Variants in TMEM117 observed in about 807,000 individuals in gnomAD.
TMEM117 encodes the protein transmembrane protein 117.
Under a neutral mutation model 52.4 loss-of-function variants are expected in TMEM117, and 27 were observed. The ratio of observed to expected loss-of-function variants is 0.51; its 90% CI spans 0.38 to 0.71. The LOEUF (loss-of-function observed/expected upper bound fraction) is 0.71. Ranked by LOEUF, TMEM117 falls within the 30% of genes least tolerant of loss-of-function variation. The pLI, the probability that TMEM117 is intolerant of heterozygous loss-of-function variation, is 0.00. For synonymous variants in TMEM117, 215 were observed against 206.3 expected (o/e 1.04, Z -0.36); for missense variants, 556 against 630.5 (o/e 0.88, Z 1.26).
At chr12:43,839,803 A>G (rs543898875) in intron 1 of TMEM117, among the ~76,000 whole-genome samples, 1 of 152,390 alleles carries the variant, frequency 6.6e-6, no homozygotes, top group South Asian at 2.1e-4. Flanking sequence ...AAATGAATGA[A>G]TGAATGTTAT....
chr12:44,034,244 A>G (rs1365302649), intron 3 of TMEM117, among the ~76,000 whole-genome samples: 1 of 152,184 alleles, frequency 6.6e-6, no homozygotes, highest in African/African-American at 2.4e-5. Flanking sequence ...AGCTACAACA[A>G]ACATCCTTTT....
At chr12:43,820,803 T>G in the TMEM117 span, among the ~76,000 whole-genome samples, 1 of 152,030 alleles carries the variant, frequency 6.6e-6, no homozygotes, top group Admixed American at 6.6e-5. Context: ...TCTGTCTTTC[T>G]ATAAGAAGCA....
intron 6 of TMEM117, among the ~76,000 whole-genome samples, chr12:44,311,659 A>G (rs901957342): frequency 1.3e-5 from 2 of 150,362 alleles, no homozygotes; most frequent in Non-Finnish European, 3.0e-5. Context: ...TGTATTATAC[A>G]TAATGTTACA....
chr12:43,987,370 A>T (rs996397420), intron 3 of TMEM117, among the ~76,000 whole-genome samples: 1 of 152,226 alleles, frequency 6.6e-6, no homozygotes, highest in Non-Finnish European at 1.5e-5. Flanking sequence ...AGTCATGCAC[A>T]TGCTAGAGTG....
chr12:44,342,082 A>G (rs1444815147), intron 6 of TMEM117, among the ~76,000 whole-genome samples: 13 of 152,114 alleles, frequency 8.5e-5, no homozygotes, highest in Non-Finnish European at 1.5e-4. Flanking sequence ...TCCATATAAT[A>G]AAACAAACGT....
intron 3 of TMEM117, among the ~76,000 whole-genome samples, chr12:44,069,369 GGTGACATTTCAGCAAA>G (rs1201689065): frequency 6.6e-6 from 1 of 152,190 alleles, no homozygotes; most frequent in African/African-American, 2.4e-5. Context: ...CTCACTGAGA[GGTGACATTTCAGCAAA>G]GTCCTGGCAG....
chr12:43,876,884 CT>C (rs1033537310), intron 2 of TMEM117, among the ~76,000 whole-genome samples: 2 of 152,194 alleles, frequency 1.3e-5, no homozygotes. Flanking sequence ...CTCAATACCC[CT>C]CTCTTTTAAA....
chr12:43,958,717 A>G (rs184398312), intron 3 of TMEM117, among the ~76,000 whole-genome samples: 1 of 152,308 alleles, frequency 6.6e-6, no homozygotes, highest in Admixed American at 6.5e-5. Flanking sequence ...TGATCTGACC[A>G]GGACGACTGC....
intron 2 of TMEM117, among the ~76,000 whole-genome samples, chr12:43,890,826 A>C (rs1380369376): frequency 6.6e-6 from 1 of 152,010 alleles, no homozygotes; most frequent in East Asian, 1.9e-4. Context: ...CACTGCGCCC[A>C]GCCCCAAGGG....
At chr12:43,898,215 C>G (rs953325272) in intron 2 of TMEM117, among the ~76,000 whole-genome samples, 1 of 152,072 alleles carries the variant, frequency 6.6e-6, no homozygotes, top group Admixed American at 6.6e-5. Context: ...TACTTCTTCA[C>G]TCTTAATCCT....
intron 3 of TMEM117, among the ~76,000 whole-genome samples, chr12:44,116,559 T>C (rs1419640317): frequency 6.6e-6 from 1 of 152,240 alleles, no homozygotes; most frequent in Non-Finnish European, 1.5e-5. Context: ...ATCTTTCTCT[T>C]GATCCCGGTG....
At chr12:44,362,797 A>G (rs1236632586) in intron 6 of TMEM117, among the ~76,000 whole-genome samples, 1 of 151,488 alleles carries the variant, frequency 6.6e-6, no homozygotes, top group African/African-American at 2.4e-5. Flanking sequence ...TCTCTACACA[A>G]TTTGGCAGCT....
intron 4 of TMEM117, among the ~76,000 whole-genome samples, chr12:44,207,582 T>C (rs1949586281): frequency 2.0e-5 from 3 of 152,174 alleles, no homozygotes; most frequent in South Asian, 4.1e-4. Flanking sequence ...CAGTATATGA[T>C]AGTCTTGTCT....
At chr12:43,856,940 G>T (rs1230937750) in intron 2 of TMEM117, among the ~76,000 whole-genome samples, 1 of 152,162 alleles carries the variant, frequency 6.6e-6, no homozygotes, top group Non-Finnish European at 1.5e-5. Context: ...GGGAGATTTG[G>T]TGTGTTGGAG....
chr12:43,873,768 G>A (rs1401531398), intron 2 of TMEM117, among the ~76,000 whole-genome samples: 12 of 151,196 alleles, frequency 7.9e-5, no homozygotes, highest in Non-Finnish European at 1.5e-4. Flanking sequence ...CATTCTGAGA[G>A]CCTTTTACCA....
intron 2 of TMEM117, among the ~76,000 whole-genome samples, chr12:43,896,108 C>G (rs969254966): frequency 2.6e-5 from 4 of 152,204 alleles, no homozygotes; most frequent in African/African-American, 9.6e-5. Flanking sequence ...CAATACTTTG[C>G]ATCCTTCAAT....
At chr12:44,018,309 A>T (rs1372019573) in intron 3 of TMEM117, among the ~76,000 whole-genome samples, 1 of 152,206 alleles carries the variant, frequency 6.6e-6, no homozygotes. Context: ...CTCCTTTTTT[A>T]TGCTTCAGAT....
At chr12:44,331,956 T>G (rs1190738829) in intron 6 of TMEM117, among the ~76,000 whole-genome samples, 2 of 152,052 alleles carry the variant, frequency 1.3e-5, no homozygotes, top group Non-Finnish European at 2.9e-5. Context: ...ATAAATTTAA[T>G]TAATTAAGAT....
At chr12:43,801,042 G>A in the TMEM117 span, among the ~76,000 whole-genome samples, 192 of 152,134 alleles carry the variant, frequency 1.3e-3, no homozygotes, top group East Asian at 6.0e-3. Context: ...ATGAGCCACC[G>A]TGCCTGGCCA....
Sources: allele counts gnomAD v4.1 joint callset (sites outside exome capture counted in the v4.1 genomes callset), GRCh38; gene constraint gnomAD v4.1.1; transcripts MANE v1.5; gene names NCBI Gene and HGNC (gene_info 2026-07-23, HGNC 2026-07-21).